MRPL1: variants seen among roughly 807,000 people sequenced by gnomAD.
MRPL1 encodes the protein mitochondrial ribosomal protein L1.
MRPL1 carries 28 observed loss-of-function variants against 38.0 expected under a neutral mutation model. The ratio of observed to expected loss-of-function variants is 0.74; its 90% CI spans 0.55 to 1.01. MRPL1 has a LOEUF of 1.01. Ranked by LOEUF, MRPL1 falls within the 50% of genes least tolerant of loss-of-function variation. The probability of loss-of-function intolerance (pLI) is 0.00; values close to 1 mark genes in which losing one functional copy is unlikely to be tolerated. For synonymous variants in MRPL1, 123 were observed against 126.7 expected (o/e 0.97, Z 0.20); for missense variants, 358 against 389.8 (o/e 0.92, Z 0.69).
chr4:77,944,448 C>T (rs1297934301), intron 7 of MRPL1, among the ~76,000 whole-genome samples: 3 of 152,032 alleles, frequency 2.0e-5, no homozygotes, highest in African/African-American at 4.8e-5. Context: ...TACCTTTTTT[C>T]GTGATGAGTA....
At chr4:77,943,064 T>C (rs1737172552) in intron 7 of MRPL1, among the ~76,000 whole-genome samples, 1 of 152,208 alleles carries the variant, frequency 6.6e-6, no homozygotes, top group African/African-American at 2.4e-5. Flanking sequence ...GTTCTTGTAG[T>C]GCTGGGTTGG....
chr4:77,892,486 A>G (rs1212214386), intron 5 of MRPL1, among the ~76,000 whole-genome samples: 1 of 152,170 alleles, frequency 6.6e-6, no homozygotes, highest in Non-Finnish European at 1.5e-5. Flanking sequence ...CTTTATTTTG[A>G]AACATCACAG....
intron 6 of MRPL1, among the ~76,000 whole-genome samples, chr4:77,897,753 A>G (rs1349013479): frequency 6.6e-6 from 1 of 152,256 alleles, no homozygotes; most frequent in Non-Finnish European, 1.5e-5. Flanking sequence ...CTTGTACTTC[A>G]GGGTTTTGTT....
At chr4:77,888,574 T>G (rs1735736206) in intron 5 of MRPL1, among the ~76,000 whole-genome samples, 1 of 152,030 alleles carries the variant, frequency 6.6e-6, no homozygotes, top group African/African-American at 2.4e-5. Flanking sequence ...GAGAGCCTCT[T>G]TGAAAATGAG....
intron 6 of MRPL1, among the ~76,000 whole-genome samples, chr4:77,904,638 C>A (rs778291203): frequency 6.6e-6 from 1 of 152,014 alleles, no homozygotes; most frequent in Non-Finnish European, 1.5e-5. Context: ...TATCATAGAG[C>A]TACAGTAATC....
rs777813730 is a variant in MRPL1 at position 77,887,242 on chromosome 4, C to T, written c.509C>T (p.Ala170Val). 5.2e-5 allele frequency: 84 copies of T among 1,613,498 alleles called. No homozygotes were observed. Among genetic ancestry groups the T allele is most frequent in the Non-Finnish European group, 6.7e-5 (79 of 1,179,650 alleles). The change falls in exon 5 of 9, where the codon GCG (alanine) becomes GTG (valine). Residue 170 changes from alanine to valine, a missense_variant. Ala to Val is a moderately conservative substitution (Grantham distance 64, BLOSUM62 0). Transcript: ENST00000315567. The stretch of plus-strand genomic sequence containing the variant: ...TAGAATGCATCAGAGGTCAAAATAG[C>T]GGAAGAAAATGGAGCTGCATTTGCA... ...FTENASEVKI[A>V]EENGAAFAGG...
At chr4:77,915,822 A>G (rs1449004884) in intron 7 of MRPL1, among the ~76,000 whole-genome samples, 1 of 152,256 alleles carries the variant, frequency 6.6e-6, no homozygotes, top group Non-Finnish European at 1.5e-5. Context: ...TGAAAATGTC[A>G]TAAGATGATA....
chr4:77,867,672 G>A (rs1352081889), intron 1 of MRPL1, among the ~76,000 whole-genome samples: 2 of 151,270 alleles, frequency 1.3e-5, no homozygotes, highest in Non-Finnish European at 2.9e-5. Flanking sequence ...AGGCATGAGC[G>A]ATCAACCCGC....
chr4:77,945,788 G>T (rs142389292), intron 7 of MRPL1, among the ~76,000 whole-genome samples: 3,000 of 152,174 alleles, frequency 0.02, 39 homozygotes, highest in Middle Eastern at 0.034. Context: ...CGAACAGGGA[G>T]TAGGTCACAA....
chr4:77,882,401 T>G (rs1001292172), intron 2 of MRPL1, among the ~76,000 whole-genome samples: 1 of 152,240 alleles, frequency 6.6e-6, no homozygotes. Flanking sequence ...CTCACAGTTG[T>G]GCAGCCATCA....
intron 7 of MRPL1, among the ~76,000 whole-genome samples, chr4:77,918,804 C>T (rs1432551770): frequency 6.6e-6 from 1 of 152,038 alleles, no homozygotes; most frequent in African/African-American, 2.4e-5. Flanking sequence ...GAGTGCCTGA[C>T]ATATAGCAGG....
chr4:77,904,586 A>G (rs1367988331), intron 6 of MRPL1, among the ~76,000 whole-genome samples: 1 of 152,072 alleles, frequency 6.6e-6, no homozygotes, highest in Non-Finnish European at 1.5e-5. Flanking sequence ...AAAAGAGAGA[A>G]TGATTTTTAA....
intron 7 of MRPL1, among the ~76,000 whole-genome samples, chr4:77,909,727 G>A (rs924909066): frequency 3.3e-5 from 5 of 152,234 alleles, no homozygotes; most frequent in Admixed American, 1.3e-4. Flanking sequence ...ATAATGCTGA[G>A]CACATAGTAG....
intron 1 of MRPL1, among the ~76,000 whole-genome samples, chr4:77,867,800 A>G (rs1735183142): frequency 7.8e-6 from 1 of 128,838 alleles, no homozygotes; most frequent in African/African-American, 3.0e-5. Context: ...TCTGTCGACC[A>G]GGCTAGAGGG....
At position 77,892,787 on chromosome 4, in the gene MRPL1, C is replaced by T. The variant is rs563276125; in HGVS notation, c.559-1352C>T. ...CACTGCCTGTTTTTCAATTCTAGCT[C>T]TGCCTCTTAGGTGTGTACAGACTGA... is the stretch of plus-strand genomic sequence containing the variant. On this transcript the variant is annotated intron_variant, in intron 5 of 8. Transcript: ENST00000315567. Among the ~76,000 whole-genome samples the T allele has an allele frequency of 5.3e-5, 8 of 152,316 alleles. No individual in the cohort carries two copies. In the South Asian group the frequency reaches 1.7e-3, roughly 32 times the overall value.
intron 7 of MRPL1, among the ~76,000 whole-genome samples, chr4:77,915,819 G>C (rs1736411088): frequency 6.6e-6 from 1 of 152,188 alleles, no homozygotes; most frequent in African/African-American, 2.4e-5. Context: ...CAGTGAAAAT[G>C]TCATAAGATG....
chr4:77,890,472 T>C (rs1363675571), intron 5 of MRPL1, among the ~76,000 whole-genome samples: 1 of 152,164 alleles, frequency 6.6e-6, no homozygotes, highest in Non-Finnish European at 1.5e-5. Flanking sequence ...AACTAGGTAT[T>C]GATGGGACAT....
intron 7 of MRPL1, among the ~76,000 whole-genome samples, chr4:77,930,158 G>A: frequency 6.6e-6 from 1 of 152,184 alleles, no homozygotes; most frequent in East Asian, 1.9e-4. Context: ...CTAAGTGTAG[G>A]CAGAGAGAGC....
At chr4:77,897,667 G>C (rs1186574360) in intron 6 of MRPL1, among the ~76,000 whole-genome samples, 1 of 152,218 alleles carries the variant, frequency 6.6e-6, no homozygotes, top group African/African-American at 2.4e-5. Context: ...GAGGAATTTG[G>C]TGTTGTATCA....
Sources: allele counts gnomAD v4.1 joint callset (sites outside exome capture counted in the v4.1 genomes callset), GRCh38; gene constraint gnomAD v4.1.1; transcripts MANE v1.5; gene names NCBI Gene and HGNC (gene_info 2026-07-23, HGNC 2026-07-21).